Variants in SV2C observed in about 807,000 individuals in gnomAD.
The protein encoded by SV2C is solute carrier family 22 member B3.
A neutral mutation model predicts 79.7 loss-of-function variants in SV2C; 49 were observed. The ratio of observed to expected loss-of-function variants is 0.61; its 90% CI spans 0.49 to 0.78. The LOEUF (loss-of-function observed/expected upper bound fraction) is 0.78, where lower values mean the gene tolerates loss of function less well. Among genes scored for constraint, SV2C ranks in the 30% least tolerant of loss-of-function variants. The pLI is 0.00. For missense variants in SV2C, 833 were observed against 912.9 expected (o/e 0.91, Z 1.13); for synonymous variants, 334 against 333.2 (o/e 1.00, Z -0.03).
At chr5:76,285,415 T>C (rs767561493) in intron 5 of SV2C, 120 bp downstream of exon 5, 122 of 1,411,090 alleles carry the variant, frequency 8.6e-5, no homozygotes, top group Non-Finnish European at 1.7e-5. Context: ...TATTATAGAA[T>C]GATGGAGGGT....
chr5:76,125,574 T>C (rs1748677716), intron 1 of SV2C, among the ~76,000 whole-genome samples: 1 of 152,202 alleles, frequency 6.6e-6, no homozygotes, highest in Non-Finnish European at 1.5e-5. Flanking sequence ...ACAGGCTTTG[T>C]ACTGTAACCC....
At chr5:76,174,920 T>G (rs1227838034) in intron 2 of SV2C, among the ~76,000 whole-genome samples, 1 of 152,228 alleles carries the variant, frequency 6.6e-6, no homozygotes, top group Non-Finnish European at 1.5e-5. Context: ...TGTTTACTGC[T>G]GTTGCTGTGA....
chr5:75,899,683 A>G, the SV2C span, among the ~76,000 whole-genome samples: 1 of 152,080 alleles, frequency 6.6e-6, no homozygotes, highest in African/African-American at 2.4e-5. Context: ...GTCTCCCATT[A>G]TTATTGAATG....
chr5:76,278,001 C>G (rs529324959), intron 4 of SV2C, among the ~76,000 whole-genome samples: 1 of 152,106 alleles, frequency 6.6e-6, no homozygotes, highest in South Asian at 2.1e-4. Context: ...AACTGTATAA[C>G]TAAAAACAAA....
intron 2 of SV2C, among the ~76,000 whole-genome samples, chr5:76,168,899 A>C (rs1004920134): frequency 6.6e-6 from 1 of 152,116 alleles, no homozygotes; most frequent in Non-Finnish European, 1.5e-5. Context: ...ATTGCTTACT[A>C]ATTCCTCCAG....
intron 12 of SV2C, among the ~76,000 whole-genome samples, chr5:76,344,623 C>T (rs246823): frequency 0.48 from 72,314 of 151,972 alleles, 19,452 homozygotes; most frequent in East Asian, 0.83. Flanking sequence ...GTAGGAGAAT[C>T]GCTTGAACCT....
At chr5:75,998,648 G>T in the SV2C span, among the ~76,000 whole-genome samples, 7 of 151,754 alleles carry the variant, frequency 4.6e-5, no homozygotes, top group Non-Finnish European at 1.0e-4. Context: ...GTGTGCATGT[G>T]TGTGTATGTG....
At chr5:75,993,832 G>T in the SV2C span, among the ~76,000 whole-genome samples, 3 of 152,060 alleles carry the variant, frequency 2.0e-5, no homozygotes, top group African/African-American at 7.2e-5. Flanking sequence ...ATCTTCTGGT[G>T]CAGTGATGCA....
chr5:75,907,447 C>T, the SV2C span, among the ~76,000 whole-genome samples: 1 of 152,052 alleles, frequency 6.6e-6, no homozygotes, highest in African/African-American at 2.4e-5. Flanking sequence ...ACTGTGGTAA[C>T]CCTTGCAGGC....
chr5:76,051,374 G>A, the SV2C span, among the ~76,000 whole-genome samples: 1 of 152,122 alleles, frequency 6.6e-6, no homozygotes, highest in Non-Finnish European at 1.5e-5. Context: ...TTTAAAGTAT[G>A]TGTCATATAG....
At chr5:76,015,174 A>C in the SV2C span, among the ~76,000 whole-genome samples, 1 of 152,190 alleles carries the variant, frequency 6.6e-6, no homozygotes, top group South Asian at 2.1e-4. Context: ...CTGCCACAGC[A>C]GATTAGAGAG....
At chr5:76,226,504 C>A (rs1317514262) in intron 4 of SV2C, among the ~76,000 whole-genome samples, 2 of 152,136 alleles carry the variant, frequency 1.3e-5, no homozygotes, top group East Asian at 3.9e-4. Context: ...TTTTAATGGT[C>A]TAATTCTTAT....
At chr5:75,891,343 C>A in the SV2C span, among the ~76,000 whole-genome samples, 1 of 152,026 alleles carries the variant, frequency 6.6e-6, no homozygotes, top group Non-Finnish European at 1.5e-5. Context: ...GTAGAACTCT[C>A]TTCATGTAAC....
chr5:76,280,542 G>A (rs1245144466), intron 4 of SV2C, among the ~76,000 whole-genome samples: 2 of 152,194 alleles, frequency 1.3e-5, no homozygotes, highest in Non-Finnish European at 2.9e-5. Context: ...TAAGAGTGAA[G>A]AATAAAATTC....
the SV2C span, among the ~76,000 whole-genome samples, chr5:75,963,290 A>T: frequency 6.6e-6 from 1 of 152,036 alleles, no homozygotes; most frequent in Non-Finnish European, 1.5e-5. Flanking sequence ...ATTTGGTTTT[A>T]CCTCCATTTT....
At chr5:76,291,742 A>G (rs1181415142) in intron 7 of SV2C, 26 bp from the exon 8 acceptor site, 1 of 1,564,664 alleles carries the variant, frequency 6.4e-7, no homozygotes, top group Non-Finnish European at 8.8e-7. Flanking sequence ...ACTGCATGAG[A>G]AAACTAACTC....
chr5:75,857,811 A>T, the SV2C span, among the ~76,000 whole-genome samples: 1 of 152,082 alleles, frequency 6.6e-6, no homozygotes, highest in African/African-American at 2.4e-5. Context: ...TTATTGTAGA[A>T]ATCTTTCACT....
intron 12 of SV2C, among the ~76,000 whole-genome samples, chr5:76,352,191 C>T (rs1376148210): frequency 3.3e-5 from 5 of 152,004 alleles, no homozygotes; most frequent in Non-Finnish European, 4.4e-5. Context: ...CCAGCCTGGG[C>T]GACAGAGTGA....
the SV2C span, among the ~76,000 whole-genome samples, chr5:75,953,536 G>A: frequency 6.6e-6 from 1 of 151,918 alleles, no homozygotes; most frequent in African/African-American, 2.4e-5. Context: ...TTAACCTAAT[G>A]TGCTTAAATC....
Sources: gnomAD v4.1 joint callset for allele counts (sites outside exome capture counted in the v4.1 genomes callset) on GRCh38, gnomAD v4.1.1 for gene constraint, MANE v1.5 for transcripts, NCBI Gene and HGNC (gene_info 2026-07-23, HGNC 2026-07-21) for gene names.